TBC1D5: variants seen among roughly 807,000 people sequenced by gnomAD.
The protein encoded by TBC1D5 is TBC1 domain family, member 5.
TBC1D5 carries 75 observed loss-of-function variants against 100.3 expected under a neutral mutation model. The ratio of observed to expected loss-of-function variants is 0.75; its 90% CI spans 0.62 to 0.91. The LOEUF (loss-of-function observed/expected upper bound fraction) is 0.91. TBC1D5 is among the 40% of genes least tolerant of loss of function. TBC1D5 has a pLI of 0.00. For synonymous variants in TBC1D5, 323 were observed against 325.6 expected (o/e 0.99, Z 0.09); for missense variants, 910 against 942.4 (o/e 0.97, Z 0.45).
chr3:17,566,521 T>C (rs1455764967), intron 2 of TBC1D5, among the ~76,000 whole-genome samples: 1 of 151,842 alleles, frequency 6.6e-6, no homozygotes, highest in Non-Finnish European at 1.5e-5. Flanking sequence ...CTTTTTGCTA[T>C]AAAACACTGA....
intron 1 of TBC1D5, among the ~76,000 whole-genome samples, chr3:17,703,902 T>TGG (rs376633114): frequency 1.3e-4 from 12 of 93,212 alleles, no homozygotes; most frequent in South Asian, 9.3e-4. Context: ...TTGATATTTG[T>TGG]GTTTTTTTTT....
At chr3:17,206,895 T>G (rs1240608026) in intron 18 of TBC1D5, among the ~76,000 whole-genome samples, 3 of 152,212 alleles carry the variant, frequency 2.0e-5, no homozygotes, top group African/African-American at 7.2e-5. Context: ...GCTTAAATAT[T>G]ATAACTTATT....
chr3:17,495,490 T>C (rs1560018802), intron 3 of TBC1D5, among the ~76,000 whole-genome samples: 1 of 152,256 alleles, frequency 6.6e-6, no homozygotes, highest in Non-Finnish European at 1.5e-5. Flanking sequence ...TAAATCTTGC[T>C]TTTCTGTTTA....
At chr3:17,600,213 A>ATATGTTATGTTATGTTATGT (rs59063083) in intron 2 of TBC1D5, among the ~76,000 whole-genome samples, 2 of 151,026 alleles carry the variant, frequency 1.3e-5, no homozygotes, top group Non-Finnish European at 3.0e-5. Flanking sequence ...GATTCATATA[A>ATATGTTATGTTATGTTATGT]TATGTTATGT....
chr3:17,192,334 A>T (rs1194605054), intron 18 of TBC1D5, among the ~76,000 whole-genome samples: 3 of 152,072 alleles, frequency 2.0e-5, no homozygotes, highest in Non-Finnish European at 4.4e-5. Context: ...AAACGACACT[A>T]AATAGAGAAA....
chr3:17,362,213 G>A (rs1167166168), intron 13 of TBC1D5, among the ~76,000 whole-genome samples: 1 of 152,114 alleles, frequency 6.6e-6, no homozygotes, highest in African/African-American at 2.4e-5. Flanking sequence ...TGTATGACTT[G>A]GATTGGGCAG....
intron 18 of TBC1D5, among the ~76,000 whole-genome samples, chr3:17,210,312 C>T (rs991962844): frequency 5.3e-5 from 8 of 152,058 alleles, no homozygotes; most frequent in Admixed American, 2.0e-4. Context: ...CTCAGCCTCC[C>T]GTATAGCTGG....
intron 15 of TBC1D5, among the ~76,000 whole-genome samples, chr3:17,271,979 G>A (rs1472978678): frequency 4.6e-5 from 7 of 152,118 alleles, no homozygotes; most frequent in Non-Finnish European, 1.0e-4. Context: ...GGCAGCTAGA[G>A]AAAAGGGAAA....
At chr3:17,482,519 T>G (rs1006067148) in intron 3 of TBC1D5, among the ~76,000 whole-genome samples, 1 of 152,216 alleles carries the variant, frequency 6.6e-6, no homozygotes, top group Non-Finnish European at 1.5e-5. Context: ...TGAAAAGATT[T>G]TCATGAAAGG....
chr3:17,611,854 T>C (rs2061693666), intron 2 of TBC1D5, among the ~76,000 whole-genome samples: 1 of 152,222 alleles, frequency 6.6e-6, no homozygotes, highest in South Asian at 2.1e-4. Context: ...TTATCTCAAG[T>C]AGTTCTATCT....
At position 17,196,676 on chromosome 3, in the gene TBC1D5, T is replaced by G. The variant is rs552500182; in HGVS notation, c.1753-11468A>C. Among the ~76,000 whole-genome samples, 6 of 152,388 alleles carry G rather than the reference T, an allele frequency of 3.9e-5. No homozygotes were observed. In the South Asian group the frequency reaches 1.2e-3, roughly 32 times the overall value. ...TGTCGTGAAATACTTTGGGTATATG[T>G]TGACCATTAATAAAATGGATTAACT... On this transcript the variant is annotated intron_variant, in intron 18 of 21. Transcript: ENST00000253692.
rs561815015 is a variant in TBC1D5 at position 17,315,772 on chromosome 3, G to C, written c.996-7638C>G. On this transcript the variant is annotated intron_variant, in intron 13 of 21. Coordinates refer to ENST00000253692, the Ensembl canonical transcript of TBC1D5. ...TCATTCAGAGTTTGTAATAGCAAGA[G>C]AGTTCAGCTACCATTACCTGTGTTT... is the stretch of plus-strand genomic sequence containing the variant. 1.3e-4 allele frequency among the ~76,000 whole-genome samples: 20 copies of C among 152,244 alleles called. No individual in the cohort carries two copies. In the East Asian group the frequency reaches 3.7e-3, roughly 28 times the overall value.
intron 2 of TBC1D5, among the ~76,000 whole-genome samples, chr3:17,556,541 T>C (rs568960808): frequency 1.3e-5 from 2 of 152,268 alleles, no homozygotes; most frequent in South Asian, 2.1e-4. Context: ...ATCGGAATAA[T>C]CTCCAAGAGC....
intron 2 of TBC1D5, among the ~76,000 whole-genome samples, chr3:17,552,772 G>C (rs2096484889): frequency 6.6e-6 from 1 of 152,110 alleles, no homozygotes; most frequent in Admixed American, 6.5e-5. Context: ...TTTAAACAGA[G>C]TTGAGTGACA....
intron 2 of TBC1D5, among the ~76,000 whole-genome samples, chr3:17,513,051 A>T (rs1263344403): frequency 1.3e-5 from 2 of 152,074 alleles, no homozygotes; most frequent in Non-Finnish European, 2.9e-5. Flanking sequence ...AAATCAATAC[A>T]GGCCGGGCAT....
At chr3:17,483,984 A>G (rs2095530104) in intron 3 of TBC1D5, among the ~76,000 whole-genome samples, 1 of 152,200 alleles carries the variant, frequency 6.6e-6, no homozygotes, top group Admixed American at 6.5e-5. Context: ...TCAAAATTTT[A>G]TCTTCAAAGA....
intron 3 of TBC1D5, among the ~76,000 whole-genome samples, chr3:17,494,556 C>T (rs555332289): frequency 6.6e-6 from 1 of 152,226 alleles, no homozygotes. Flanking sequence ...CTGCCCCTCC[C>T]ACCAGGGGCT....
chr3:17,410,190 C>T (rs1265598628), intron 4 of TBC1D5, among the ~76,000 whole-genome samples: 1 of 152,114 alleles, frequency 6.6e-6, no homozygotes, highest in African/African-American at 2.4e-5. Flanking sequence ...AATCTACTCT[C>T]CTTGTGCCGT....
At chr3:17,588,644 T>C (rs2096747443) in intron 2 of TBC1D5, among the ~76,000 whole-genome samples, 1 of 152,160 alleles carries the variant, frequency 6.6e-6, no homozygotes, top group South Asian at 2.1e-4. Context: ...TTTTTTGAAG[T>C]TGTGCACTCC....
Sources: allele counts gnomAD v4.1 joint callset (sites outside exome capture counted in the v4.1 genomes callset), GRCh38; gene constraint gnomAD v4.1.1; transcripts MANE v1.5; gene names NCBI Gene and HGNC (gene_info 2026-07-23, HGNC 2026-07-21).